Variants in CTNNA2 observed in about 807,000 individuals in gnomAD.
CTNNA2 encodes catenin alpha 2.
In CTNNA2, 42 loss-of-function variants were observed where a neutral mutation model predicts 101.0. The ratio of observed to expected loss-of-function variants is 0.42; its 90% CI spans 0.32 to 0.54. The LOEUF (loss-of-function observed/expected upper bound fraction) is 0.54. Among genes scored for constraint, CTNNA2 ranks in the 20% least tolerant of loss-of-function variants. The pLI is 0.14. For synonymous variants in CTNNA2, 450 were observed against 456.4 expected (o/e 0.99, Z 0.18); for missense variants, 871 against 1,223.1 (o/e 0.71, Z 4.29).
At chr2:79,771,991 AC>A (rs1213446873) in intron 3 of CTNNA2, among the ~76,000 whole-genome samples, 3 of 142,830 alleles carry the variant, frequency 2.1e-5, no homozygotes, top group Non-Finnish European at 3.1e-5. Context: ...GGATAAGTTA[AC>A]CCCCCCTCCT....
intron 7 of CTNNA2, among the ~76,000 whole-genome samples, chr2:80,095,407 G>T (rs1224078596): frequency 6.6e-6 from 1 of 152,202 alleles, no homozygotes; most frequent in African/African-American, 2.4e-5. Flanking sequence ...CAGTTTGCCA[G>T]TATTTTATTG....
chr2:80,515,150 T>C lies in CTNNA2; in HGVS notation c.1291-29832T>C, dbSNP rs530565970. ...CAACAATTTCTAGGTGAATTGCCCATCTTTTTTTTTTTTTTCCCCCTTGGA... is the reference window on the plus strand; with the variant it reads ...CAACAATTTCTAGGTGAATTGCCCACCTTTTTTTTTTTTTTCCCCCTTGGA... On this transcript the variant is annotated intron_variant, in intron 9 of 18. Coordinates refer to ENST00000402739, the MANE Select transcript of CTNNA2 (RefSeq NM_001282597.3). Among the ~76,000 whole-genome samples, 12 of 151,610 alleles carry C rather than the reference T, an allele frequency of 7.9e-5. No homozygotes were observed. The East Asian group carries it at 2.3e-3, about 30-fold the overall frequency.
At chr2:79,421,424 A>T (rs1435261367) in intron 4 of CTNNA2, among the ~76,000 whole-genome samples, 1 of 152,216 alleles carries the variant, frequency 6.6e-6, no homozygotes, top group Non-Finnish European at 1.5e-5. Flanking sequence ...CTAGTAAAAA[A>T]TACCATTCAT....
intron 3 of CTNNA2, among the ~76,000 whole-genome samples, chr2:79,759,606 G>T (rs1035162488): frequency 9.2e-5 from 14 of 151,990 alleles, no homozygotes; most frequent in African/African-American, 1.5e-4. Context: ...CTGCATCCCT[G>T]GTTCATCCCC....
At chr2:80,545,868 G>A in intron 10 of CTNNA2, 39 bp from the exon 11 acceptor site, 1 of 1,603,132 alleles carries the variant, frequency 6.2e-7, no homozygotes, top group Non-Finnish European at 8.5e-7. Context: ...CTTTTGAAGT[G>A]TGTGGTCATC....
At chr2:79,523,905 G>A (rs949342843) in intron 1 of CTNNA2, among the ~76,000 whole-genome samples, 4 of 151,954 alleles carry the variant, frequency 2.6e-5, no homozygotes, top group Admixed American at 6.6e-5. Context: ...GTGTGTTCAT[G>A]TTTTCCAAGT....
At chr2:79,987,714 C>G (rs115232754) in intron 7 of CTNNA2, among the ~76,000 whole-genome samples, 2,256 of 152,180 alleles carry the variant, frequency 0.015, 60 homozygotes, top group African/African-American at 0.05. Context: ...ATGAAGCATT[C>G]TCTCTGACAT....
At chr2:79,965,272 A>C (rs910674349) in intron 7 of CTNNA2, among the ~76,000 whole-genome samples, 4 of 152,216 alleles carry the variant, frequency 2.6e-5, no homozygotes, top group African/African-American at 9.6e-5. Context: ...GATATTTAGC[A>C]TGCCTTGACA....
intron 1 of CTNNA2, among the ~76,000 whole-genome samples, chr2:79,650,679 A>T (rs1026428052): frequency 6.7e-6 from 1 of 150,156 alleles, no homozygotes; most frequent in Admixed American, 6.6e-5. Flanking sequence ...GTACATGTGC[A>T]CATTGTGCAG....
intron 7 of CTNNA2, among the ~76,000 whole-genome samples, chr2:80,116,752 A>G (rs761397958): frequency 1.1e-4 from 16 of 152,170 alleles, no homozygotes; most frequent in Non-Finnish European, 2.2e-4. Flanking sequence ...TGCTACATTC[A>G]TGTGAGGAGA....
chr2:79,256,493 G>A (rs148240367), intron 2 of CTNNA2, among the ~76,000 whole-genome samples: 4 of 152,312 alleles, frequency 2.6e-5, no homozygotes, highest in African/African-American at 9.6e-5. Context: ...ACACAGTGAA[G>A]CTGTGTGATT....
chr2:80,118,010 A>G (rs371687567), intron 7 of CTNNA2, among the ~76,000 whole-genome samples: 3 of 152,144 alleles, frequency 2.0e-5, no homozygotes, highest in Non-Finnish European at 4.4e-5. Context: ...CTGTACATGG[A>G]AAGAGAGGAT....
intron 7 of CTNNA2, among the ~76,000 whole-genome samples, chr2:80,188,192 T>C (rs572169563): frequency 6.6e-6 from 1 of 152,254 alleles, no homozygotes; most frequent in African/African-American, 2.4e-5. Context: ...ATCAGTCACA[T>C]GTATCCTTCT....
At position 80,302,330 on chromosome 2, in the gene CTNNA2, A is replaced by T; in HGVS notation, c.1057-90881A>T. The T allele has an allele frequency of 6.2e-7, 1 of 1,614,202 alleles. No individual in the cohort carries two copies. Among genetic ancestry groups the T allele is most frequent in the Non-Finnish European group, 8.5e-7 (1 of 1,180,020 alleles). ...GTTGATGATCACCAGGGCTCCCTCAATGTGGTTCGGTTTGTAATCAACGTA... is the reference window on the plus strand; with the variant it reads ...GTTGATGATCACCAGGGCTCCCTCATTGTGGTTCGGTTTGTAATCAACGTA... On this transcript the variant is annotated intron_variant, in intron 7 of 18. Transcript: ENST00000402739. This position sits in a 1 kb window ranked among gnomAD's most constrained non-coding sequence, Gnocchi z 6.4.
chr2:79,288,932 CAGAAAAA>C (rs775031905), intron 2 of CTNNA2, among the ~76,000 whole-genome samples: 4 of 151,604 alleles, frequency 2.6e-5, no homozygotes, highest in Non-Finnish European at 5.9e-5. Context: ...AAAATTGAAA[CAGAAAAA>C]AGAAAACAAG....
chr2:80,563,205 T>C (rs1478557429), intron 12 of CTNNA2, among the ~76,000 whole-genome samples: 1 of 152,180 alleles, frequency 6.6e-6, no homozygotes, highest in Admixed American at 6.5e-5. Context: ...ACATATTGTG[T>C]CTAGCAGAGT....
chr2:79,759,864 A>G (rs1672661816), intron 3 of CTNNA2, among the ~76,000 whole-genome samples: 1 of 152,202 alleles, frequency 6.6e-6, no homozygotes, highest in Non-Finnish European at 1.5e-5. Context: ...CCAATTCAGA[A>G]ATGGGACTAA....
chr2:80,444,910 GT>G (rs1200307682), intron 9 of CTNNA2, among the ~76,000 whole-genome samples: 1 of 152,114 alleles, frequency 6.6e-6, no homozygotes, highest in Admixed American at 6.5e-5. Flanking sequence ...AGGCTAAGCT[GT>G]TTAGCAGCAT....
At chr2:79,455,260 G>A (rs1442718330) in intron 4 of CTNNA2, among the ~76,000 whole-genome samples, 3 of 152,158 alleles carry the variant, frequency 2.0e-5, no homozygotes, top group Non-Finnish European at 4.4e-5. Flanking sequence ...GGCATAGTTT[G>A]GGATGTTGCT....
Sources: allele counts gnomAD v4.1 joint callset (sites outside exome capture counted in the v4.1 genomes callset), GRCh38; gene constraint gnomAD v4.1.1; non-coding constraint Gnocchi (gnomAD v3.1); transcripts MANE v1.5; gene names NCBI Gene and HGNC (gene_info 2026-07-23, HGNC 2026-07-21).